Variants in SNAP25 observed in about 807,000 individuals in gnomAD.
SNAP25 encodes synaptosomal-associated protein 25.
In SNAP25, 3 loss-of-function variants were observed where a neutral mutation model predicts 28.7. The observed-to-expected ratio is 0.10, with a 90% CI of 0.05 to 0.27. The LOEUF (loss-of-function observed/expected upper bound fraction) is 0.27, where lower values mean the gene tolerates loss of function less well. Ranked by LOEUF, SNAP25 falls within the 10% of genes least tolerant of loss-of-function variation. The pLI, the probability that SNAP25 is intolerant of heterozygous loss-of-function variation, is 1.00. For synonymous variants in SNAP25, 61 were observed against 88.1 expected (o/e 0.69, Z 1.72); for missense variants, 117 against 278.7 (o/e 0.42, Z 4.13).
Position 10,293,276 on chromosome 20 carries a change from C to T in SNAP25, c.279C>T (p.Asn93=). 1 of 1,611,302 alleles carries T rather than the reference C, an allele frequency of 6.2e-7. No homozygotes were observed. Among genetic ancestry groups the T allele is most frequent in the Non-Finnish European group, 8.5e-7 (1 of 1,177,524 alleles). Residue 93 remains asparagine (N), a splice_region_variant and synonymous_variant, in exon 5 of 8, where the codon AAC becomes AAT. Transcript: ENST00000254976. This position sits in a 1 kb window ranked among gnomAD's most constrained non-coding sequence, Gnocchi z 5.6. ...GCGGGCTTTGTGTGTGTCCCTGTAA[C>T]AAGTAGGTGCTGCCTGCCTGCCTGA... ...KFCGLCVCPC[N]KLKSSDAYKK...
chr20:10,278,943 T>A (rs898123992), intron 3 of SNAP25, among the ~76,000 whole-genome samples: 1 of 4,782 alleles, frequency 2.1e-4, no homozygotes, highest in Non-Finnish European at 4.3e-4. Flanking sequence ...GGTGGGAGGG[T>A]GGGGCGAACG....
At chr20:10,299,716 A>G (rs1255833602) in intron 7 of SNAP25, among the ~76,000 whole-genome samples, 10 of 152,216 alleles carry the variant, frequency 6.6e-5, no homozygotes, top group Admixed American at 6.5e-4. Context: ...CAAGAAATTC[A>G]CGGCCTATGG....
intron 4 of SNAP25, among the ~76,000 whole-genome samples, chr20:10,289,015 G>A (rs779010038): frequency 2.8e-4 from 42 of 152,256 alleles, no homozygotes; most frequent in Non-Finnish European, 4.4e-4. Flanking sequence ...AGCACCAAAA[G>A]TGTTGACTAT....
intron 4 of SNAP25, among the ~76,000 whole-genome samples, chr20:10,291,072 A>C (rs1423001827): frequency 6.6e-6 from 1 of 152,078 alleles, no homozygotes; most frequent in Non-Finnish European, 1.5e-5. Flanking sequence ...AATTTTTTTT[A>C]ATTGTAATTT....
chr20:10,302,643 C>A (rs2064267505), intron 7 of SNAP25, among the ~76,000 whole-genome samples: 1 of 152,072 alleles, frequency 6.6e-6, no homozygotes, highest in Non-Finnish European at 1.5e-5. Flanking sequence ...GGCACTCCAG[C>A]AAATTTAGAA....
chr20:10,279,267 G>A (rs886074573), intron 3 of SNAP25, among the ~76,000 whole-genome samples: 2 of 152,178 alleles, frequency 1.3e-5, no homozygotes, highest in Non-Finnish European at 1.5e-5. Flanking sequence ...ATGCCTACAT[G>A]AGCTCTGAAG....
chr20:10,262,619 G>T (rs957400325), intron 1 of SNAP25, among the ~76,000 whole-genome samples: 1 of 152,134 alleles, frequency 6.6e-6, no homozygotes, highest in African/African-American at 2.4e-5. Context: ...AGTGGAAGTT[G>T]TCTTCGGTTG....
chr20:10,244,983 G>A (rs375403128), intron 1 of SNAP25, among the ~76,000 whole-genome samples: 7 of 152,034 alleles, frequency 4.6e-5, no homozygotes, highest in African/African-American at 1.7e-4. Flanking sequence ...CACCCACCTC[G>A]GCCTCCCAAA....
chr20:10,277,636 T>C lies in SNAP25; in HGVS notation c.73-49T>C, dbSNP rs368008245. 3.3e-6 allele frequency: 5 copies of C among 1,519,576 alleles called. No individual in the cohort carries two copies. The African/African-American group carries it at 4.1e-5, about 12-fold the overall frequency. The allele number at this position is 1,519,576 out of a possible 1,614,324, so 94.1% of individuals were successfully genotyped here. A position where few individuals can be genotyped will look rare whatever the true frequency, so the allele number is the denominator to read the frequency against. On this transcript the variant is annotated intron_variant, in intron 2 of 7. Transcript: ENST00000254976. ...AGTATTTCTGATTTTCCAAGATCTC[T>C]GGATCCTGCACTCATAAAGTTTATG...
intron 1 of SNAP25, among the ~76,000 whole-genome samples, chr20:10,263,385 C>T (rs2063453887): frequency 1.3e-5 from 2 of 152,100 alleles, no homozygotes; most frequent in Admixed American, 6.6e-5. Flanking sequence ...CAAAGAACCC[C>T]TAAGGGAGCT....
intron 1 of SNAP25, among the ~76,000 whole-genome samples, chr20:10,265,266 C>A (rs886970625): frequency 3.9e-5 from 6 of 152,138 alleles, no homozygotes; most frequent in African/African-American, 1.4e-4. Flanking sequence ...ACTATGAACA[C>A]GGCAGATTTA....
chr20:10,271,103 C>T (rs1427663730), intron 1 of SNAP25, among the ~76,000 whole-genome samples: 1 of 152,170 alleles, frequency 6.6e-6, no homozygotes, highest in Non-Finnish European at 1.5e-5. Context: ...TTCCTAGTTT[C>T]CTCTTTCTAC....
At chr20:10,245,564 T>C (rs1166622042) in intron 1 of SNAP25, among the ~76,000 whole-genome samples, 3 of 152,204 alleles carry the variant, frequency 2.0e-5, no homozygotes, top group Non-Finnish European at 4.4e-5. Context: ...AAGTTTTGTT[T>C]CTGGGGCAGT....
intron 1 of SNAP25, among the ~76,000 whole-genome samples, chr20:10,224,171 T>C (rs1032676307): frequency 1.3e-5 from 2 of 150,814 alleles, no homozygotes; most frequent in Non-Finnish European, 2.9e-5. Flanking sequence ...ACTCCAGAGA[T>C]TAAGCTATGA....
chr20:10,297,063 C>T lies in SNAP25; in HGVS notation c.407+13C>T. ...GCTTCATCCGCAGGTGAGCCTCATGCAGCATACACTGTAGCAGTTCTCTAT... is the reference window on the plus strand; with the variant it reads ...GCTTCATCCGCAGGTGAGCCTCATGTAGCATACACTGTAGCAGTTCTCTAT... On this transcript the variant is annotated intron_variant, in intron 6 of 7. Transcript: ENST00000254976. The T allele has an allele frequency of 6.4e-7, 1 of 1,574,386 alleles. No individual in the cohort carries two copies. Among genetic ancestry groups the T allele is most frequent in the Non-Finnish European group, 8.6e-7 (1 of 1,161,166 alleles).
intron 1 of SNAP25, among the ~76,000 whole-genome samples, chr20:10,249,264 G>A (rs2063183257): frequency 6.6e-6 from 1 of 152,186 alleles, no homozygotes; most frequent in South Asian, 2.1e-4. Flanking sequence ...CCCTTGGCAA[G>A]GAGCCCTAGC....
chr20:10,250,571 C>G (rs2063208729), intron 1 of SNAP25, among the ~76,000 whole-genome samples: 1 of 152,180 alleles, frequency 6.6e-6, no homozygotes, highest in Admixed American at 6.5e-5. Flanking sequence ...GATGCTAACG[C>G]TTAATGGGCA....
chr20:10,269,365 G>A lies in SNAP25; in HGVS notation c.-63-6064G>A, dbSNP rs570441331. Among the ~76,000 whole-genome samples, 5 of 152,194 alleles carry A rather than the reference G, an allele frequency of 3.3e-5. No individual in the cohort carries two copies. In the East Asian group the frequency reaches 5.8e-4, roughly 18 times the overall value. Reference sequence around the variant, plus strand: ...TGCAGTGAGCCAAGATTGTGCCACCGCACTCCCACCTGGGCGACAGAGCAA... The same window carrying A: ...TGCAGTGAGCCAAGATTGTGCCACCACACTCCCACCTGGGCGACAGAGCAA... On this transcript the variant is annotated intron_variant, in intron 1 of 7. Coordinates refer to ENST00000254976, the MANE Select transcript of SNAP25 (RefSeq NM_130811.4).
At chr20:10,265,009 G>C (rs1456979521) in intron 1 of SNAP25, among the ~76,000 whole-genome samples, 1 of 149,292 alleles carries the variant, frequency 6.7e-6, no homozygotes, top group Non-Finnish European at 1.5e-5. Flanking sequence ...AAGAGGCCCT[G>C]TTATGAGCCA....
Sources: gnomAD v4.1 joint callset for allele counts (sites outside exome capture counted in the v4.1 genomes callset) on GRCh38, gnomAD v4.1.1 for gene constraint, Gnocchi (gnomAD v3.1) non-coding constraint, MANE v1.5 for transcripts, NCBI Gene and HGNC (gene_info 2026-07-23, HGNC 2026-07-21) for gene names.